Variants in HYAL1 observed in about 807,000 individuals in gnomAD.
HYAL1 encodes hyaluronidase-1.
Under a neutral mutation model 28.8 loss-of-function variants are expected in HYAL1, and 21 were observed. The observed-to-expected ratio is 0.73, with a 90% CI of 0.52 to 1.05. The LOEUF (loss-of-function observed/expected upper bound fraction) is 1.05, where lower values mean the gene tolerates loss of function less well. HYAL1 is among the 50% of genes least tolerant of loss of function. The probability of loss-of-function intolerance (pLI) is 0.00; values close to 1 mark genes in which losing one functional copy is unlikely to be tolerated. For missense variants in HYAL1, 491 were observed against 579.2 expected, an observed-to-expected ratio of 0.85 and a Z score of 1.56; for synonymous variants, 200 against 230.1, an observed-to-expected ratio of 0.87 and a Z score of 1.18.
Position 50,302,107 on chromosome 3 carries a change from G to A in HYAL1, c.850C>T (p.Leu284=), listed in dbSNP as rs782385337. The A allele has an allele frequency of 6.2e-7, 1 of 1,614,114 alleles. No homozygotes were observed. The highest frequency in any genetic ancestry group is 1.1e-5 in the South Asian group (1 of 91,090). Residue 284 remains leucine (L), a synonymous_variant, in exon 2 of 4, where the codon CTG becomes TTG. Coordinates refer to ENST00000395144, the MANE Select transcript of HYAL1 (RefSeq NM_033159.4). This position sits in a 1 kb window ranked among gnomAD's most constrained non-coding sequence, Gnocchi z 5.0. ...VAAGDPNLPV[L]PYVQIFYDTT... is the part of the protein sequence containing the mutation. ...TCATAGAAGATCTGGACATAGGGCAGCACCGGCAGATTGGGGTCACCAGCA... is the reference window on the plus strand; with the variant it reads ...TCATAGAAGATCTGGACATAGGGCAACACCGGCAGATTGGGGTCACCAGCA...
At chr3:50,300,865 G>A in intron 3 of HYAL1, 65 bp from the exon 4 acceptor site, 2 of 1,564,990 alleles carry the variant, frequency 1.3e-6, no homozygotes, top group Non-Finnish European at 1.7e-6. Flanking sequence ...CCAGGGCACT[G>A]AGGCACTCAC....
At chr3:50,308,488 C>G (rs1388625894), upstream of HYAL1, among the ~76,000 whole-genome samples, 1 of 150,766 alleles carries the variant, frequency 6.6e-6, no homozygotes, top group Non-Finnish European at 1.5e-5. Flanking sequence ...CGCTCTGTCA[C>G]CCAGGCTGGA....
chr3:50,312,121 A>AC lies in HYAL1; in HGVS notation c.-310+142dup, dbSNP rs1250867183. ...GGGCGGCTGGCCGGGCGGGGGGCTG[A>AC]CCCCCCCACCTCCCTCCAGGACGGG... On this transcript the variant is annotated intron_variant, in intron 1 of 5. Transcript: ENST00000320295. The AC allele has an allele frequency of 1.1e-3, 134 of 122,872 alleles. 1 individual carries two copies. The highest frequency in any genetic ancestry group is 3.4e-3 in the African/African-American group (102 of 29,664). The allele number at this position is 122,872 out of a possible 1,614,324, so 7.6% of individuals were successfully genotyped here.
rs1702053655 is a variant in HYAL1 at position 50,300,030 on chromosome 3, T to G, written c.*453A>C. 1 of 245,698 alleles carries G rather than the reference T, an allele frequency of 4.1e-6. No individual in the cohort carries two copies. Among genetic ancestry groups the G allele is most frequent in the African/African-American group, 2.2e-5 (1 of 44,810 alleles). 15.2% of individuals were successfully genotyped at this position (245,698 alleles called of 1,614,324 possible). A position where few individuals can be genotyped will look rare whatever the true frequency, so the allele number is the denominator to read the frequency against. ...AGACAGCCTGGGTTTGAATCTCAAC[T>G]TCTCCCTTTTCTTGCTGTGCAACCT... is the stretch of plus-strand genomic sequence containing the variant. On this transcript the variant is annotated 3_prime_UTR_variant, in exon 4 of 4. Coordinates refer to ENST00000395144, the MANE Select transcript of HYAL1 (RefSeq NM_033159.4).
intron 1 of HYAL1, among the ~76,000 whole-genome samples, chr3:50,311,714 T>G (rs1317656378): frequency 9.2e-4 from 90 of 97,680 alleles, no homozygotes; most frequent in Middle Eastern, 0.01. Context: ...AGGCCGGGCG[T>G]GGGGCTGATC....
chr3:50,306,641 C>A (rs1328573563), upstream of HYAL1, among the ~76,000 whole-genome samples: 3 of 151,078 alleles, frequency 2.0e-5, 1 homozygote, highest in African/African-American at 7.4e-5. Context: ...AATCCCAACA[C>A]TTTGGGAGGC....
chr3:50,311,471 G>C (rs1397455675), intron 1 of HYAL1, among the ~76,000 whole-genome samples: 3 of 130,512 alleles, frequency 2.3e-5, no homozygotes, highest in African/African-American at 8.6e-5. Flanking sequence ...CCTCCCGGAC[G>C]GGGCGGCTGG....
intron 1 of HYAL1, chr3:50,312,166 G>A (rs1553715003): frequency 6.3e-6 from 1 of 158,204 alleles, no homozygotes; most frequent in Non-Finnish European, 1.4e-5. Context: ...CAGGCGGGGG[G>A]TTGACCCCCC....
Position 50,300,594 on chromosome 3 carries a change from G to T in HYAL1, c.1197C>A (p.Ser399Arg). ...IQLTPGGGPL[S>R]LRGALSLEDQ... ...CTTCAAGTGAGAGGGCACCCCGCAG[G>T]CTCAGGGGCCCACCACCAGGCGTGA... The change falls in exon 4 of 4, where the codon AGC (serine) becomes AGA (arginine). Residue 399 changes from serine (S) to arginine (R), a missense_variant. Coordinates refer to ENST00000395144, the MANE Select transcript of HYAL1 (RefSeq NM_033159.4). The T allele has an allele frequency of 6.2e-7, 1 of 1,614,222 alleles. No homozygotes were observed. Among genetic ancestry groups the T allele is most frequent in the South Asian group, 1.1e-5 (1 of 91,092 alleles).
upstream of HYAL1, chr3:50,303,919 G>A (rs1161402081): frequency 6.6e-6 from 1 of 152,168 alleles, no homozygotes; most frequent in East Asian, 1.9e-4. Flanking sequence ...ACATTGATGG[G>A]CCCTAGGCAC....
In HYAL1 at chr3:50,302,411, C is replaced by T. The variant is rs1553713200; in HGVS notation, c.546G>A (p.Trp182Ter). 6 of 1,613,854 alleles carry T rather than the reference C, an allele frequency of 3.7e-6. No individual in the cohort carries two copies. The highest frequency in any genetic ancestry group is 5.1e-6 in the Non-Finnish European group (6 of 1,179,928). The change falls in exon 2 of 4, where the codon TGG (tryptophan) becomes TGA (stop). Residue 182 changes from tryptophan to a stop codon, truncating the protein, a stop_gained. Transcript: ENST00000395144. LOFTEE classifies it high-confidence loss of function. This position sits in a 1 kb window ranked among gnomAD's most constrained non-coding sequence, Gnocchi z 5.0. The stretch of plus-strand genomic sequence containing the variant: ...GCCCCAGCTGGAGGGTGCCTGCCAT[C>T]CAGGCCCGTGCAGCTCCCTGGAACT... ...QDQFQGAARAWMAGTLQLGRA... is the reference protein window; with the variant it reads ...QDQFQGAARA
intron 1 of HYAL1, 108 bp from the exon 2 acceptor site, chr3:50,303,088 TTC>T (rs1702239627): frequency 2.2e-6 from 2 of 894,620 alleles, no homozygotes; most frequent in Non-Finnish European, 3.3e-6. Flanking sequence ...CTGCTCTGGT[TTC>T]TGTTAAACAT....
upstream of HYAL1, among the ~76,000 whole-genome samples, chr3:50,305,691 A>C (rs1553713925): frequency 1.3e-5 from 2 of 150,682 alleles, no homozygotes. Flanking sequence ...GCGTGCCACC[A>C]CACCCAGCTA....
intron 1 of HYAL1, 33 bp from the exon 2 acceptor site, chr3:50,303,013 GCAAAGTCTCCGATT>G: frequency 6.7e-7 from 1 of 1,493,406 alleles, no homozygotes; most frequent in South Asian, 1.3e-5. Context: ...AGAACAGGTT[GCAAAGTCTCCGATT>G]CCCCCACTGC....
chr3:50,308,090 C>T (rs1037745260), upstream of HYAL1, among the ~76,000 whole-genome samples: 4 of 148,412 alleles, frequency 2.7e-5, no homozygotes, highest in Admixed American at 6.7e-5. Flanking sequence ...CCACCGTGCC[C>T]GGCCAAAAAC....
At chr3:50,303,628 G>A (rs1271147808), upstream of HYAL1, 2 of 152,336 alleles carry the variant, frequency 1.3e-5, no homozygotes, top group African/African-American at 2.4e-5. Context: ...CCCAGGCCAG[G>A]GGCGGGCCAA....
upstream of HYAL1, among the ~76,000 whole-genome samples, chr3:50,308,031 G>A (rs1702370680): frequency 2.0e-5 from 3 of 151,134 alleles, no homozygotes; most frequent in Admixed American, 6.6e-5. Flanking sequence ...TCCTGACCTC[G>A]TGATCCACCT....
rs1553712416 is a variant in HYAL1 at position 50,300,560 on chromosome 3, G to A, written c.1231C>T (p.Gln411Ter). 4 of 1,614,244 alleles carry A rather than the reference G, an allele frequency of 2.5e-6. No individual in the cohort carries two copies. In the Admixed American group the frequency reaches 5.0e-5, roughly 20 times the overall value. ...RGALSLEDQA[Q>*]MAVEFKCRCY... ...CGACATTTGAACTCCACAGCCATCT[G>A]TGCCTGATCTTCAAGTGAGAGGGCA... The change falls in exon 4 of 4, where the codon CAG becomes TAG. Residue 411 changes from glutamine to a stop codon, truncating the protein, a stop_gained. Coordinates refer to ENST00000395144, the MANE Select transcript of HYAL1 (RefSeq NM_033159.4). LOFTEE classifies it low-confidence loss of function (END_TRUNC).
In HYAL1 at chr3:50,303,453, C is replaced by T. The variant is rs1203598590; in HGVS notation, c.-25+13G>A. On this transcript the variant is annotated intron_variant, in intron 1 of 3. Transcript: ENST00000395144. Reference sequence around the variant, plus strand: ...CTGTACACCCGCCAGTCTGCCCGCTCGTCCCTGCTGACCTTGGGGCTGAAG... The same window carrying T: ...CTGTACACCCGCCAGTCTGCCCGCTTGTCCCTGCTGACCTTGGGGCTGAAG... 15 of 154,346 alleles carry T rather than the reference C, an allele frequency of 9.7e-5. No individual in the cohort carries two copies. The highest frequency in any genetic ancestry group is 1.9e-4 in the Non-Finnish European group (13 of 69,628). 9.6% of individuals were successfully genotyped at this position (154,346 alleles called of 1,614,324 possible).
Sources: allele counts gnomAD v4.1 joint callset (sites outside exome capture counted in the v4.1 genomes callset), GRCh38; gene constraint gnomAD v4.1.1; non-coding constraint Gnocchi (gnomAD v3.1); transcripts MANE v1.5; gene names NCBI Gene and HGNC (gene_info 2026-07-23, HGNC 2026-07-21).